Variants in ST6GALNAC3 observed in about 807,000 individuals in gnomAD.
ST6GALNAC3 encodes ST6 N-acetylgalactosaminide alpha-2,6-sialyltransferase 3, also known as alpha-N-acetylgalactosaminide alpha-2,6-sialyltransferase 3.
In ST6GALNAC3, 25 loss-of-function variants were observed where a neutral mutation model predicts 32.7. The observed-to-expected ratio is 0.76, with a 90% CI of 0.56 to 1.07. The LOEUF (loss-of-function observed/expected upper bound fraction) is 1.07, where lower values mean the gene tolerates loss of function less well. Ranked by LOEUF, ST6GALNAC3 falls within the 50% of genes least tolerant of loss-of-function variation. The pLI is 0.00. For synonymous variants in ST6GALNAC3, 129 were observed against 133.1 expected, an observed-to-expected ratio of 0.97 and a Z score of 0.21; for missense variants, 355 against 382.4, an observed-to-expected ratio of 0.93 and a Z score of 0.60.
intron 1 of ST6GALNAC3, among the ~76,000 whole-genome samples, chr1:76,171,207 T>A (rs1036545660): frequency 3.3e-5 from 5 of 152,104 alleles, no homozygotes; most frequent in African/African-American, 1.2e-4. Flanking sequence ...AACTGACAGC[T>A]ACCTCCCACA....
intron 1 of ST6GALNAC3, among the ~76,000 whole-genome samples, chr1:76,172,909 C>T (rs1652614727): frequency 1.3e-5 from 2 of 152,118 alleles, no homozygotes; most frequent in Admixed American, 1.3e-4. Flanking sequence ...GGTCATACTG[C>T]CCAAAGTAAT....
intron 3 of ST6GALNAC3, among the ~76,000 whole-genome samples, chr1:76,496,307 G>A (rs775540213): frequency 7.0e-4 from 107 of 152,170 alleles, no homozygotes; most frequent in South Asian, 4.1e-4. Context: ...TTCAGCTGGA[G>A]AAGCTAAGGC....
At chr1:76,468,123 C>T (rs1658767262) in intron 3 of ST6GALNAC3, among the ~76,000 whole-genome samples, 1 of 151,618 alleles carries the variant, frequency 6.6e-6, no homozygotes, top group African/African-American at 2.4e-5. Flanking sequence ...TCTTCCATCC[C>T]CCTACCTTTC....
chr1:76,452,136 T>C (rs928311973), intron 3 of ST6GALNAC3, among the ~76,000 whole-genome samples: 1 of 152,158 alleles, frequency 6.6e-6, no homozygotes, highest in Non-Finnish European at 1.5e-5. Context: ...AGGGACATGA[T>C]GGGAGGTAAT....
chr1:76,334,942 A>G (rs1341149000), intron 2 of ST6GALNAC3, among the ~76,000 whole-genome samples: 2 of 152,186 alleles, frequency 1.3e-5, no homozygotes, highest in Non-Finnish European at 2.9e-5. Flanking sequence ...ATCACCTGTG[A>G]TTCTGGTCAC....
At chr1:76,367,312 C>A (rs1650452618) in intron 2 of ST6GALNAC3, among the ~76,000 whole-genome samples, 1 of 152,070 alleles carries the variant, frequency 6.6e-6, no homozygotes, top group South Asian at 2.1e-4. Flanking sequence ...GTGAAGGATT[C>A]AGCTTTGCCC....
At chr1:76,266,007 G>A (rs1028421557) in intron 1 of ST6GALNAC3, among the ~76,000 whole-genome samples, 6 of 152,176 alleles carry the variant, frequency 3.9e-5, no homozygotes, top group African/African-American at 1.2e-4. Context: ...CAAATGGGCT[G>A]TATAACACAT....
intron 1 of ST6GALNAC3, among the ~76,000 whole-genome samples, chr1:76,202,074 A>G (rs1191929639): frequency 6.6e-6 from 1 of 152,152 alleles, no homozygotes; most frequent in Non-Finnish European, 1.5e-5. Context: ...ACCCTGAAGG[A>G]CACAGAGGGC....
At chr1:76,351,907 A>T (rs981308091) in intron 2 of ST6GALNAC3, among the ~76,000 whole-genome samples, 2 of 152,138 alleles carry the variant, frequency 1.3e-5, no homozygotes, top group African/African-American at 4.8e-5. Context: ...ATCCCCTGGG[A>T]TGTGAAAATT....
chr1:76,541,914 G>A (rs1664014824), intron 3 of ST6GALNAC3, among the ~76,000 whole-genome samples: 1 of 152,166 alleles, frequency 6.6e-6, no homozygotes, highest in African/African-American at 2.4e-5. Context: ...TTCAGCTACA[G>A]ATTAGGAGTA....
chr1:76,322,714 A>G (rs1646991037), intron 2 of ST6GALNAC3, among the ~76,000 whole-genome samples: 1 of 152,162 alleles, frequency 6.6e-6, no homozygotes, highest in African/African-American at 2.4e-5. Context: ...AAAAATAACT[A>G]TATGCTTTTA....
At chr1:76,605,339 T>C (rs114101978) in intron 3 of ST6GALNAC3, among the ~76,000 whole-genome samples, 98 of 152,260 alleles carry the variant, frequency 6.4e-4, no homozygotes, top group African/African-American at 2.3e-3. Context: ...TAGTGGTGAA[T>C]TGACTACAGA....
intron 1 of ST6GALNAC3, among the ~76,000 whole-genome samples, chr1:76,257,098 G>A (rs1330269980): frequency 6.6e-6 from 1 of 152,126 alleles, no homozygotes; most frequent in Non-Finnish European, 1.5e-5. Context: ...GGGAGATACT[G>A]CATCATAGTG....
At chr1:76,095,734 T>C (rs1647120283) in intron 1 of ST6GALNAC3, among the ~76,000 whole-genome samples, 1 of 152,158 alleles carries the variant, frequency 6.6e-6, no homozygotes, top group Admixed American at 6.5e-5. Flanking sequence ...TAGTGTTGAG[T>C]GTCAAAAGAC....
intron 3 of ST6GALNAC3, among the ~76,000 whole-genome samples, chr1:76,558,227 G>A (rs1368667151): frequency 6.6e-6 from 1 of 152,124 alleles, no homozygotes; most frequent in Non-Finnish European, 1.5e-5. Context: ...TTTCAACTCA[G>A]CAATCCTATT....
chr1:76,235,913 G>T (rs1570532487), intron 1 of ST6GALNAC3, among the ~76,000 whole-genome samples: 1 of 151,250 alleles, frequency 6.6e-6, no homozygotes, highest in East Asian at 1.9e-4. Context: ...TTTAACAATG[G>T]TACCAGTCAT....
intron 3 of ST6GALNAC3, among the ~76,000 whole-genome samples, chr1:76,539,810 C>A (rs1379068878): frequency 1.3e-5 from 2 of 152,126 alleles, no homozygotes; most frequent in African/African-American, 4.8e-5. Context: ...AATGAGATAC[C>A]ATCTCACATC....
At chr1:76,562,342 G>C (rs143540951) in intron 3 of ST6GALNAC3, among the ~76,000 whole-genome samples, 8 of 152,302 alleles carry the variant, frequency 5.3e-5, no homozygotes, top group African/African-American at 9.6e-5. Flanking sequence ...TGAGATGATA[G>C]ACAAGGATAT....
chr1:76,244,318 A>G (rs572516990), intron 1 of ST6GALNAC3, among the ~76,000 whole-genome samples: 2 of 152,280 alleles, frequency 1.3e-5, no homozygotes, highest in East Asian at 3.9e-4. Flanking sequence ...ACCTTGCTGA[A>G]GTTGCTTATC....
Sources: allele counts gnomAD v4.1 joint callset (sites outside exome capture counted in the v4.1 genomes callset), GRCh38; gene constraint gnomAD v4.1.1; transcripts MANE v1.5; gene names NCBI Gene and HGNC (gene_info 2026-07-23, HGNC 2026-07-21).